CYP7B1: variants seen among roughly 807,000 people sequenced by gnomAD.
CYP7B1 encodes the protein cytochrome P450 family 7 subfamily B member 1.
A neutral mutation model predicts 42.7 loss-of-function variants in CYP7B1; 29 were observed. The ratio of observed to expected loss-of-function variants is 0.68; its 90% CI spans 0.51 to 0.93. The LOEUF is 0.93. Ranked by LOEUF, CYP7B1 falls within the 40% of genes least tolerant of loss-of-function variation. The pLI, the probability that CYP7B1 is intolerant of heterozygous loss-of-function variation, is 0.00. For synonymous variants in CYP7B1, 235 were observed against 218.2 expected (o/e 1.08, Z -0.68); for missense variants, 655 against 600.5 (o/e 1.09, Z -0.95).
At chr8:64,719,684 G>T (rs553892369) in intron 1 of CYP7B1, among the ~76,000 whole-genome samples, 106 of 152,276 alleles carry the variant, frequency 7.0e-4, no homozygotes, top group Non-Finnish European at 1.2e-3. Flanking sequence ...AACAATAGCC[G>T]CAAGCTTGGA....
intron 1 of CYP7B1, among the ~76,000 whole-genome samples, chr8:64,689,303 T>C (rs547042603): frequency 6.6e-6 from 1 of 152,374 alleles, no homozygotes; most frequent in East Asian, 1.9e-4. Context: ...TATTAACAAC[T>C]GAATTTCCTC....
At chr8:64,768,300 C>G (rs998489343) in intron 1 of CYP7B1, among the ~76,000 whole-genome samples, 5 of 151,914 alleles carry the variant, frequency 3.3e-5, no homozygotes, top group African/African-American at 1.2e-4. Flanking sequence ...GGGCAACCCC[C>G]TCTGGGTCCC....
Position 64,596,501 on chromosome 8 carries a change from T to C in CYP7B1, c.*141A>G. 1 of 844,518 alleles carries C rather than the reference T, an allele frequency of 1.2e-6. No homozygotes were observed. The highest frequency in any genetic ancestry group is 1.8e-6 in the Non-Finnish European group (1 of 557,288). 52.3% of individuals were successfully genotyped at this position (844,518 alleles called of 1,614,324 possible). ...ATGGGCTTTGTGACTAAGGACAAAC[T>C]GGACTGATATCAGATCAAATAGAAA... is the stretch of plus-strand genomic sequence containing the variant. On this transcript the variant is annotated 3_prime_UTR_variant, in exon 6 of 6. Coordinates refer to ENST00000310193, the MANE Select transcript of CYP7B1 (RefSeq NM_004820.5).
intron 1 of CYP7B1, among the ~76,000 whole-genome samples, chr8:64,689,518 G>A (rs1422899101): frequency 4.6e-5 from 7 of 151,746 alleles, no homozygotes; most frequent in Non-Finnish European, 1.0e-4. Context: ...GTTTTTATAG[G>A]TTATATGCAA....
intron 1 of CYP7B1, chr8:64,734,426 T>C (rs955643071): frequency 6.6e-6 from 1 of 152,180 alleles, no homozygotes; most frequent in African/African-American, 2.4e-5. Context: ...GCACCTTGAA[T>C]ATTGAGTCTT....
intron 1 of CYP7B1, among the ~76,000 whole-genome samples, chr8:64,699,049 T>C (rs1291436062): frequency 1.3e-5 from 2 of 152,172 alleles, no homozygotes; most frequent in Non-Finnish European, 1.5e-5. Context: ...GCTTGCTTTA[T>C]AGTATTAGAG....
chr8:64,704,777 T>C (rs1563398454), intron 1 of CYP7B1, among the ~76,000 whole-genome samples: 1 of 152,044 alleles, frequency 6.6e-6, no homozygotes, highest in Non-Finnish European at 1.5e-5. Flanking sequence ...CTATCACATC[T>C]TAAAAAATAT....
intron 1 of CYP7B1, chr8:64,729,134 T>G (rs1189724278): frequency 2.0e-5 from 3 of 152,240 alleles, no homozygotes; most frequent in Admixed American, 2.0e-4. Flanking sequence ...CACTCCCGCC[T>G]GGGCAACAGA....
intron 1 of CYP7B1, 112 bp downstream of exon 1, chr8:64,798,354 G>T (rs1393691263): frequency 1.5e-6 from 2 of 1,371,074 alleles, no homozygotes; most frequent in East Asian, 3.0e-5. Flanking sequence ...CCCGCAGCAA[G>T]TTCTGACTGT....
chr8:64,757,965 G>A (rs1807831274), intron 1 of CYP7B1, among the ~76,000 whole-genome samples: 1 of 152,058 alleles, frequency 6.6e-6, no homozygotes, highest in African/African-American at 2.4e-5. Flanking sequence ...GTACAAGTAG[G>A]GGCCATCTCC....
At chr8:64,665,589 T>C (rs1806265219) in intron 1 of CYP7B1, among the ~76,000 whole-genome samples, 1 of 59,266 alleles carries the variant, frequency 1.7e-5, no homozygotes, top group Non-Finnish European at 3.3e-5. Flanking sequence ...TTTTTTTTTT[T>C]TTTTGAGACG....
At chr8:64,705,833 A>G (rs1242932290) in intron 1 of CYP7B1, among the ~76,000 whole-genome samples, 1 of 152,068 alleles carries the variant, frequency 6.6e-6, no homozygotes, top group Non-Finnish European at 1.5e-5. Flanking sequence ...ATTCCTTTAG[A>G]GCGGCCATAA....
intron 1 of CYP7B1, among the ~76,000 whole-genome samples, chr8:64,670,932 A>C (rs1806357766): frequency 6.6e-6 from 1 of 152,108 alleles, no homozygotes; most frequent in Admixed American, 6.6e-5. Flanking sequence ...TACATTGGTC[A>C]GTGCTGTGGC....
intron 1 of CYP7B1, among the ~76,000 whole-genome samples, chr8:64,761,488 C>T (rs967117245): frequency 6.6e-6 from 1 of 151,728 alleles, no homozygotes; most frequent in Non-Finnish European, 1.5e-5. Context: ...GTCAATAAAG[C>T]TTGGGGGGAG....
intron 1 of CYP7B1, among the ~76,000 whole-genome samples, chr8:64,635,141 G>A (rs1805751728): frequency 1.3e-5 from 2 of 152,170 alleles, no homozygotes; most frequent in Admixed American, 1.3e-4. Flanking sequence ...TTTTCCCCTT[G>A]TTGAGTAAAG....
At chr8:64,712,108 GAAC>G (rs1405656292) in intron 1 of CYP7B1, among the ~76,000 whole-genome samples, 1 of 152,068 alleles carries the variant, frequency 6.6e-6, no homozygotes, top group Non-Finnish European at 1.5e-5. Flanking sequence ...GCAGAGGCAG[GAAC>G]AACAATAGTA....
intron 1 of CYP7B1, among the ~76,000 whole-genome samples, chr8:64,688,487 T>TA (rs1453774503): frequency 1.3e-5 from 2 of 150,542 alleles, no homozygotes; most frequent in African/African-American, 2.4e-5. Flanking sequence ...AAGCTGAAGA[T>TA]ACACTGAATG....
chr8:64,614,651 C>T (rs1349964703), intron 4 of CYP7B1, among the ~76,000 whole-genome samples: 1 of 152,046 alleles, frequency 6.6e-6, no homozygotes, highest in African/African-American at 2.4e-5. Flanking sequence ...CACAGGGTGC[C>T]TTTTTTGCAA....
intron 1 of CYP7B1, among the ~76,000 whole-genome samples, chr8:64,766,089 A>T (rs1031363050): frequency 3.9e-5 from 6 of 152,182 alleles, no homozygotes; most frequent in Non-Finnish European, 2.9e-5. Flanking sequence ...GAAAAAGAAC[A>T]ATTCCCCACA....
Sources: gnomAD v4.1 joint callset for allele counts (sites outside exome capture counted in the v4.1 genomes callset) on GRCh38, gnomAD v4.1.1 for gene constraint, MANE v1.5 for transcripts, NCBI Gene and HGNC (gene_info 2026-07-23, HGNC 2026-07-21) for gene names.